Variants in CACTIN observed in about 807,000 individuals in gnomAD.
CACTIN encodes splicing factor Cactin.
CACTIN carries 20 observed loss-of-function variants against 84.9 expected under a neutral mutation model. The ratio of observed to expected loss-of-function variants is 0.24; its 90% CI spans 0.17 to 0.34. The LOEUF is 0.34. Ranked by LOEUF, CACTIN falls within the 10% of genes least tolerant of loss-of-function variation. The probability of loss-of-function intolerance (pLI) is 1.00; values close to 1 mark genes in which losing one functional copy is unlikely to be tolerated. For synonymous variants in CACTIN, 549 were observed against 467.9 expected (o/e 1.17, Z -2.24); for missense variants, 897 against 1,117.2 (o/e 0.80, Z 2.81).
chr19:3,613,710 T>A, intron 7 of CACTIN, 124 bp from the exon 8 acceptor site: 1 of 1,385,092 alleles, frequency 7.2e-7, no homozygotes, highest in African/African-American at 1.4e-5. Context: ...GCCACGGCTC[T>A]GGCTGGGACC....
At chr19:3,616,072 G>C (rs2033099866) in intron 6 of CACTIN, 1 of 152,204 alleles carries the variant, frequency 6.6e-6, no homozygotes, top group African/African-American at 2.4e-5. Flanking sequence ...ATGTCTGGAT[G>C]CCTCCCGAAT....
rs1195377109 is a variant in CACTIN, at chr19:3,620,077, C to T, written c.884+50G>A. ...GGCTTCCAGAGTGACAGCCAGTGCC[C>T]GGCCCTGGCTCCAAGTCTGGGTCGG... On this transcript the variant is annotated intron_variant, in intron 4 of 9. Transcript: ENST00000429344. 14 of 1,593,918 alleles carry T rather than the reference C, an allele frequency of 8.8e-6. No individual in the cohort carries two copies. In the East Asian group the frequency reaches 9.0e-5, roughly 10 times the overall value.
Position 3,612,289 on chromosome 19 carries a change from C to T in CACTIN, c.1911G>A (p.Lys637=), listed in dbSNP as rs748922864. 1.2e-6 allele frequency: 2 copies of T among 1,612,940 alleles called. No homozygotes were observed. Among genetic ancestry groups the T allele is most frequent in the African/African-American group, 1.3e-5 (1 of 74,958 alleles). ...LTGKAYLWAD[K]YRPRKPRFFN... is the part of the protein sequence containing the mutation. ...AGAAGCGCGGCTTGCGTGGCCGGTA[C>T]TTGTCGGCCCACAGGTAGGCCTTGC... Residue 637 remains lysine, a synonymous_variant, in exon 10 of 10, where the codon AAG becomes AAA. Transcript: ENST00000429344.
rs745727694 is a variant in CACTIN, at chr19:3,624,136, T to C, written c.194A>G (p.Gln65Arg). 8 of 1,573,118 alleles carry C rather than the reference T, an allele frequency of 5.1e-6. No individual in the cohort carries two copies. Among genetic ancestry groups the C allele is most frequent in the Non-Finnish European group, 6.9e-6 (8 of 1,162,122 alleles). ...GCTCCGGCTTCGCATCCCTGAGCGC[T>C]GCCACCGCTCTTCCTCTGAATCTGA... is the stretch of plus-strand genomic sequence containing the variant. ...RRSDSEEERW[Q>R]RSGMRSRSPP... The change falls in exon 2 of 10, where the codon CAG (glutamine) becomes CGG (arginine). Residue 65 changes from glutamine to arginine, a missense_variant. Around this residue, in one of 8 missense-constraint regions of CACTIN, gnomAD observed 261 missense variants for 243.8 expected, o/e 1.07. Transcript: ENST00000429344.
chr19:3,613,969 C>T (rs1402120727), intron 7 of CACTIN: 1 of 409,056 alleles, frequency 2.4e-6, no homozygotes, highest in Non-Finnish European at 4.5e-6. Flanking sequence ...GTGCCAAAAA[C>T]ACTCCAGAAA....
intron 6 of CACTIN, chr19:3,614,877 A>C: frequency 2.0e-5 from 10 of 488,822 alleles, no homozygotes; most frequent in Admixed American, 6.6e-5. Context: ...GGCCCTGAGA[A>C]TGCCCCTCCC....
chr19:3,626,647 C>A lies in CACTIN; in HGVS notation c.116G>T (p.Arg39Leu). The A allele has an allele frequency of 2.0e-6, 3 of 1,536,054 alleles. No homozygotes were observed. The highest frequency in any genetic ancestry group is 1.9e-5 in the Admixed American group (1 of 53,866). ...TCTGCGCCGTCCCTCGTCCTCCCGG[C>A]GCCGTCGGTTTCGCCGCCCATGGCT... Reference protein sequence around the residue: ...SRSHGRRNRRRREDEGRRRRR... With the variant: ...SRSHGRRNRRLREDEGRRRRR... Residue 39 changes from arginine (R) to leucine (L), a missense_variant, in exon 1 of 10, where the codon CGC becomes CTC. Physicochemically the swap from Arg to Leu is moderately radical, Grantham distance 102. Coordinates refer to ENST00000429344, the MANE Select transcript of CACTIN (RefSeq NM_001080543.2).
At position 3,614,383 on chromosome 19, in the gene CACTIN, C is replaced by A; in HGVS notation, c.1355+14G>T. The A allele has an allele frequency of 6.4e-7, 1 of 1,560,430 alleles. No individual in the cohort carries two copies. Among genetic ancestry groups the A allele is most frequent in the Middle Eastern group, 1.7e-4 (1 of 5,942 alleles). On this transcript the variant is annotated intron_variant, in intron 7 of 9. Coordinates refer to ENST00000429344, the MANE Select transcript of CACTIN (RefSeq NM_001080543.2). ...CGGACGGCACCAACCCTGGTACCCG[C>A]ACCTAGTGCTCACCGGGCCCGTGCC... is the stretch of plus-strand genomic sequence containing the variant.
chr19:3,612,051 C>T lies in CACTIN; in HGVS notation c.2149G>A (p.Glu717Lys). The T allele has an allele frequency of 6.2e-7, 1 of 1,613,824 alleles. No individual in the cohort carries two copies. Among genetic ancestry groups the T allele is most frequent in the Non-Finnish European group, 8.5e-7 (1 of 1,179,894 alleles). ...TTGACGATCTTGAAAGCGATGTCCT[C>T]GTAGGGCGGCCCCGCGTGGAAGCGC... ...ILRFHAGPPY[E>K]DIAFKIVNRE... The change falls in exon 10 of 10, where the codon GAG becomes AAG. Residue 717 changes from glutamate (E) to lysine (K), a missense_variant. By Grantham distance (56) the Glu-to-Lys change is moderately conservative. Transcript: ENST00000429344.
Position 3,612,394 on chromosome 19 carries a change from G to A in CACTIN, c.1806C>T (p.Ala602=). 2 of 1,599,070 alleles carry A rather than the reference G, an allele frequency of 1.3e-6. No individual in the cohort carries two copies. The highest frequency in any genetic ancestry group is 1.7e-6 in the Non-Finnish European group (2 of 1,175,298). The change falls in exon 10 of 10, where the codon GCC becomes GCT. Residue 602 remains alanine, a synonymous_variant. Transcript: ENST00000429344. ...TGGCCCGCCGGAAGAAGATGTCCTC[G>A]GCGCTCTCGCTGGCGTCTCCTGCGG... is the stretch of plus-strand genomic sequence containing the variant. ...LQVTGDASES[A]EDIFFRRAKE...
At chr19:3,620,843 C>A (rs1177662300) in intron 2 of CACTIN, 41 bp from the exon 3 acceptor site, 10 of 1,482,358 alleles carry the variant, frequency 6.7e-6, no homozygotes, top group Non-Finnish European at 9.4e-6. Flanking sequence ...ACAGACCCGC[C>A]CCCTCGCCCC....
intron 1 of CACTIN, 99 bp downstream of exon 1, chr19:3,626,497 A>G: frequency 8.5e-7 from 1 of 1,178,772 alleles, no homozygotes; most frequent in Non-Finnish European, 1.1e-6. Context: ...CTCCCCGAGT[A>G]AGTCGGGGGT....
At position 3,613,929 on chromosome 19, in the gene CACTIN, T is replaced by G. The variant is rs2033042896; in HGVS notation, c.1356-343A>C. ...TGATAAATTTAGAGACATTTACAAA[T>G]TAGCAGAGGAGACATGTATTTACAC... On this transcript the variant is annotated intron_variant, in intron 7 of 9. Coordinates refer to ENST00000429344, the MANE Select transcript of CACTIN (RefSeq NM_001080543.2). 1.2e-5 allele frequency: 5 copies of G among 429,368 alleles called. No individual in the cohort carries two copies. In the South Asian group the frequency reaches 1.6e-4, roughly 14 times the overall value. The allele number at this position is 429,368 out of a possible 1,614,324, so 26.6% of individuals were successfully genotyped here. A position where few individuals can be genotyped will look rare whatever the true frequency, so the allele number is the denominator to read the frequency against.
chr19:3,612,864 G>C, intron 9 of CACTIN, 194 bp downstream of exon 9: 2 of 779,204 alleles, frequency 2.6e-6, no homozygotes, highest in Non-Finnish European at 2.2e-6. Flanking sequence ...CAGTGGGCCA[G>C]CAAGCCCAGG....
Position 3,619,076 on chromosome 19 carries a change from G to A in CACTIN, c.1047+4C>T. On this transcript the variant is annotated splice_donor_region_variant and intron_variant, in intron 5 of 9. Transcript: ENST00000429344. ...TCAGAGGAGCATCGGGTGGGGCTGG[G>A]TACCTGGATATCCTCCAGCAGGTCC... The A allele has an allele frequency of 6.4e-7, 1 of 1,554,576 alleles. No homozygotes were observed. Among genetic ancestry groups the A allele is most frequent in the Non-Finnish European group, 8.7e-7 (1 of 1,148,942 alleles).
intron 2 of CACTIN, 29 bp downstream of exon 2, chr19:3,623,659 G>A: frequency 6.4e-7 from 1 of 1,555,600 alleles, no homozygotes; most frequent in Non-Finnish European, 8.7e-7. Context: ...ATGCTACAGG[G>A]ACAGAGGCCA....
At chr19:3,624,270 A>C (rs73532027) in intron 1 of CACTIN, 108 bp from the exon 2 acceptor site, 2 of 1,041,514 alleles carry the variant, frequency 1.9e-6, no homozygotes, top group Admixed American at 4.8e-5. Flanking sequence ...GGTTCTGGGG[A>C]CACAGCAGTG....
chr19:3,613,254 G>A lies in CACTIN; in HGVS notation c.1590C>T (p.Asp530=). 2.5e-6 allele frequency: 4 copies of A among 1,593,126 alleles called. No homozygotes were observed. Among genetic ancestry groups the A allele is most frequent in the South Asian group, 1.1e-5 (1 of 88,728 alleles). ...ATPTEGDGDG[D]GEGEGEGEAV... ...CCTCGCCCTCGCCCTCGCCCTCACC[G>A]TCCCCGTCGCCGTCGCCCTCTGTCG... The change falls in exon 9 of 10, where the codon GAC becomes GAT. Residue 530 remains aspartate, a synonymous_variant. Coordinates refer to ENST00000429344, the MANE Select transcript of CACTIN (RefSeq NM_001080543.2).
Position 3,615,120 on chromosome 19 carries a change from A to G in CACTIN, c.1163-531T>C. 5.9e-6 allele frequency: 1 copy of G among 168,346 alleles called. No homozygotes were observed. The highest frequency in any genetic ancestry group is 1.5e-4 in the South Asian group (1 of 6,574). 10.4% of individuals were successfully genotyped at this position (168,346 alleles called of 1,614,324 possible). On this transcript the variant is annotated intron_variant, in intron 6 of 9. Transcript: ENST00000429344. This position sits in a 1 kb window ranked among gnomAD's most constrained non-coding sequence, Gnocchi z 5.2. ...TCTGTGAAGCCTAGCAAAGAAGGCC[A>G]CCCTGCTGGCCCCTGGGGAAGTCCT...
Sources: gnomAD v4.1 joint callset for allele counts on GRCh38, gnomAD v4.1.1 for gene constraint, gnomAD v4.1.1 regional missense constraint, Gnocchi (gnomAD v3.1) non-coding constraint, MANE v1.5 for transcripts, NCBI Gene and HGNC (gene_info 2026-07-23, HGNC 2026-07-21) for gene names.